TAB1: variants seen among roughly 807,000 people sequenced by gnomAD.
TAB1 encodes the protein TGF-beta-activated kinase 1 and MAP3K7-binding protein 1.
Under a neutral mutation model 54.5 loss-of-function variants are expected in TAB1, and 30 were observed. The observed-to-expected ratio is 0.55, with a 90% CI of 0.41 to 0.75. The LOEUF is 0.75. TAB1 is among the 30% of genes least tolerant of loss of function. The pLI, the probability that TAB1 is intolerant of heterozygous loss-of-function variation, is 0.00. For synonymous variants in TAB1, 289 were observed against 286.9 expected, an observed-to-expected ratio of 1.01 and a Z score of -0.07; for missense variants, 609 against 683.2, an observed-to-expected ratio of 0.89 and a Z score of 1.21.
intron 10 of TAB1, chr22:39,429,323 G>A (rs1927485593): frequency 1.0e-6 from 1 of 985,426 alleles, no homozygotes; most frequent in Non-Finnish European, 1.2e-6. Context: ...TAGGTCCTGG[G>A]TTGGGACGGG....
Position 39,417,778 on chromosome 22 carries a change from G to A in TAB1, c.479G>A (p.Arg160Lys), listed in dbSNP as rs1337741287. ...CTTGAGAGACTCAAGACGTTAGAGA[G>A]GGAAATTTCGGGAGGGGCCATGGCC... ...KILERLKTLE[R>K]EISGGAMAVV... The change falls in exon 5 of 11, where the codon AGG becomes AAG. Residue 160 changes from arginine (R) to lysine (K), a missense_variant. Arg to Lys is a conservative substitution (Grantham distance 26). Coordinates refer to ENST00000216160, the MANE Select transcript of TAB1 (RefSeq NM_006116.3). The A allele has an allele frequency of 1.2e-5, 20 of 1,613,584 alleles. No individual in the cohort carries two copies. The highest frequency in any genetic ancestry group is 1.7e-5 in the Non-Finnish European group (20 of 1,179,788).
intron 8 of TAB1, among the ~76,000 whole-genome samples, chr22:39,425,637 C>T (rs1192762605): frequency 6.6e-6 from 1 of 151,494 alleles, no homozygotes; most frequent in African/African-American, 2.4e-5. Context: ...TTACTGATCA[C>T]CTCCCGGGTT....
At chr22:39,414,454 A>G (rs535402160) in intron 1 of TAB1, among the ~76,000 whole-genome samples, 6 of 152,316 alleles carry the variant, frequency 3.9e-5, no homozygotes, top group African/African-American at 1.4e-4. Context: ...AGTGCCAGAG[A>G]GAGTGACTGA....
In TAB1 at chr22:39,418,829, C is replaced by T; in HGVS notation, c.648C>T (p.Phe216=). 2 of 1,613,878 alleles carry T rather than the reference C, an allele frequency of 1.2e-6. No individual in the cohort carries two copies. Among genetic ancestry groups the T allele is most frequent in the African/African-American group, 1.3e-5 (1 of 75,050 alleles). ...DHTTENEDEL[F]RLSQLGLDAG... is the part of the protein sequence containing the mutation. ...CCACAGAGAACGAGGATGAGCTCTTCCGTCTTTCGCAGCTGGGTGAGTGGG... is the reference window on the plus strand; with the variant it reads ...CCACAGAGAACGAGGATGAGCTCTTTCGTCTTTCGCAGCTGGGTGAGTGGG... The change falls in exon 6 of 11, where the codon TTC becomes TTT. Residue 216 remains phenylalanine, a synonymous_variant. Transcript: ENST00000216160.
At chr22:39,422,725 G>C (rs1945417968) in intron 8 of TAB1, among the ~76,000 whole-genome samples, 1 of 152,062 alleles carries the variant, frequency 6.6e-6, no homozygotes, top group African/African-American at 2.4e-5. Context: ...CAGTGAGGAT[G>C]GTAACATCTG....
At chr22:39,432,569 C>A, downstream of TAB1, 2 of 184,656 alleles carry the variant, frequency 1.1e-5, no homozygotes, top group Non-Finnish European at 2.0e-5. Flanking sequence ...GCTTCCCCAG[C>A]CGAGCCGCCA....
intron 5 of TAB1, 139 bp downstream of exon 5, chr22:39,417,988 C>T (rs1213582764): frequency 1.8e-6 from 2 of 1,123,256 alleles, no homozygotes; most frequent in South Asian, 1.8e-5. Flanking sequence ...GGGTATGTCC[C>T]TCTCCACAGT....
rs1292460055 is a variant in TAB1 at position 39,430,171 on chromosome 22, C to T, written c.1464C>T (p.Tyr488=). The change falls in exon 11 of 11, where the codon TAC becomes TAT. Residue 488 remains tyrosine (Y), a synonymous_variant. Transcript: ENST00000216160. ...VEPYVDFAEF[Y]RLWSVDHGEQ... ...CCTATGTGGACTTTGCTGAGTTTTACCGCCTCTGGAGCGTGGACCATGGCG... is the reference window on the plus strand; with the variant it reads ...CCTATGTGGACTTTGCTGAGTTTTATCGCCTCTGGAGCGTGGACCATGGCG... 2.4e-5 allele frequency: 39 copies of T among 1,613,748 alleles called. No homozygotes were observed. Among genetic ancestry groups the T allele is most frequent in the Non-Finnish European group, 3.3e-5 (39 of 1,180,048 alleles).
chr22:39,400,005 G>A (rs1926061230), intron 1 of TAB1, among the ~76,000 whole-genome samples, 170 bp downstream of exon 1: 1 of 152,200 alleles, frequency 6.6e-6, no homozygotes, highest in Admixed American at 6.5e-5. Flanking sequence ...CGAGGCCAGG[G>A]CGTGTGTGCG....
downstream of TAB1, chr22:39,432,965 G>A (rs909247834): frequency 5.1e-6 from 5 of 985,430 alleles, no homozygotes; most frequent in South Asian, 9.4e-5. Flanking sequence ...ATGGCACAGC[G>A]AGGCGAAGCT....
At chr22:39,404,825 G>C (rs1240007602) in intron 1 of TAB1, among the ~76,000 whole-genome samples, 2 of 152,144 alleles carry the variant, frequency 1.3e-5, no homozygotes, top group Non-Finnish European at 2.9e-5. Flanking sequence ...AGCTCTTTAG[G>C]ATGACGACAT....
intron 10 of TAB1, chr22:39,429,465 C>A: frequency 1.5e-6 from 1 of 667,276 alleles, no homozygotes; most frequent in Non-Finnish European, 1.9e-6. Flanking sequence ...GACGCTTGAA[C>A]TGAGTGTTCC....
intron 1 of TAB1, among the ~76,000 whole-genome samples, chr22:39,404,432 A>G (rs900375999): frequency 2.6e-5 from 4 of 151,874 alleles, no homozygotes; most frequent in African/African-American, 9.7e-5. Flanking sequence ...AAAATTAGTG[A>G]GGCATGGTGG....
chr22:39,433,185 C>A (rs1349396131), downstream of TAB1: 1 of 985,276 alleles, frequency 1.0e-6, no homozygotes, highest in African/African-American at 1.7e-5. Context: ...GGCGCGGTGG[C>A]TCAGGCCTGT....
chr22:39,422,969 C>G (rs2145676826), intron 8 of TAB1, among the ~76,000 whole-genome samples: 1 of 150,022 alleles, frequency 6.7e-6, no homozygotes, highest in South Asian at 2.1e-4. Context: ...ATAACCTTTT[C>G]TGCTTTGACT....
intron 1 of TAB1, among the ~76,000 whole-genome samples, chr22:39,401,056 AC>A (rs141522626): frequency 0.032 from 4,819 of 148,690 alleles, 264 homozygotes; most frequent in African/African-American, 0.12. Flanking sequence ...AAAAAAAAAA[AC>A]GAAAGTAAAC....
chr22:39,413,059 C>T (rs1213443692), intron 1 of TAB1, among the ~76,000 whole-genome samples: 3 of 151,842 alleles, frequency 2.0e-5, no homozygotes, highest in Non-Finnish European at 2.9e-5. Context: ...GGACTACAGG[C>T]GCCCGCCACC....
At chr22:39,402,387 A>G (rs1031526082) in intron 1 of TAB1, among the ~76,000 whole-genome samples, 1 of 152,192 alleles carries the variant, frequency 6.6e-6, no homozygotes, top group African/African-American at 2.4e-5. Flanking sequence ...TTAGTACTAC[A>G]AGTCTATGTG....
intron 1 of TAB1, among the ~76,000 whole-genome samples, chr22:39,400,991 G>A (rs35705918): frequency 1.4e-5 from 2 of 143,214 alleles, no homozygotes; most frequent in Non-Finnish European, 3.0e-5. Flanking sequence ...CCAAGATCGG[G>A]CCACTGCACT....
Sources: allele counts gnomAD v4.1 joint callset (sites outside exome capture counted in the v4.1 genomes callset), GRCh38; gene constraint gnomAD v4.1.1; transcripts MANE v1.5; gene names NCBI Gene and HGNC (gene_info 2026-07-23, HGNC 2026-07-21).